NPAS3: variants seen among roughly 807,000 people sequenced by gnomAD.
The protein encoded by NPAS3 is neuronal PAS domain-containing protein 3.
A neutral mutation model predicts 73.1 loss-of-function variants in NPAS3; 14 were observed. That is an observed-to-expected ratio of 0.19 (90% CI 0.13 to 0.30). NPAS3 has a LOEUF of 0.30. Ranked by LOEUF, NPAS3 falls within the 10% of genes least tolerant of loss-of-function variation. The pLI is 1.00. For synonymous variants in NPAS3, 620 were observed against 541.5 expected (o/e 1.14, Z -2.01); for missense variants, 1,096 against 1,250.0 (o/e 0.88, Z 1.86).
chr14:33,579,777 G>A (rs1372216394), intron 5 of NPAS3, among the ~76,000 whole-genome samples: 1 of 151,624 alleles, frequency 6.6e-6, no homozygotes, highest in Non-Finnish European at 1.5e-5. Context: ...TATTTTCCTT[G>A]AATTTTTTTT....
chr14:33,757,408 C>G (rs1042810586), intron 7 of NPAS3, among the ~76,000 whole-genome samples: 6 of 152,146 alleles, frequency 3.9e-5, no homozygotes, highest in Non-Finnish European at 5.9e-5. Flanking sequence ...CATAGAGGTC[C>G]TGCTGCTGCT....
chr14:32,977,384 CT>C (rs1409304722), intron 1 of NPAS3, among the ~76,000 whole-genome samples: 1 of 23,766 alleles, frequency 4.2e-5, no homozygotes, highest in Non-Finnish European at 1.4e-4. Context: ...ACACACACCC[CT>C]AATCTATTTA....
intron 1 of NPAS3, 113 bp from the exon 2 acceptor site, chr14:33,055,792 C>T (rs753793324): frequency 3.4e-5 from 22 of 649,504 alleles, no homozygotes; most frequent in Non-Finnish European, 6.1e-5. Flanking sequence ...GTGTGTAGAG[C>T]TCAAAAGCGT....
chr14:33,682,259 C>A (rs144889438), intron 6 of NPAS3, among the ~76,000 whole-genome samples: 1 of 152,132 alleles, frequency 6.6e-6, no homozygotes. Context: ...TAGCAATGAT[C>A]GGGACAAGTT....
intron 2 of NPAS3, among the ~76,000 whole-genome samples, chr14:33,207,241 ACACACACACACACACACACACACACG>A (rs1356146796): frequency 3.0e-3 from 68 of 22,402 alleles, no homozygotes; most frequent in South Asian, 0.017. Context: ...CATTACACAC[ACACACACACACACACACACACACACG>A]CACACACACA....
chr14:33,578,350 C>T (rs1234048760), intron 5 of NPAS3: 6 of 381,340 alleles, frequency 1.6e-5, no homozygotes, highest in South Asian at 1.2e-4. Context: ...TGTACTACCA[C>T]ACCTGGCTAA....
chr14:33,094,422 G>T (rs1206545694), intron 2 of NPAS3, among the ~76,000 whole-genome samples: 3 of 151,084 alleles, frequency 2.0e-5, no homozygotes, highest in Admixed American at 2.0e-4. Context: ...TCTTCCCTCT[G>T]CATTTGTGGC....
At position 33,634,341 on chromosome 14, in the gene NPAS3, A is replaced by G. The variant is rs114879179; in HGVS notation, c.559-41870A>G. Among the ~76,000 whole-genome samples, 974 of 152,330 alleles carry G rather than the reference A, an allele frequency of 6.4e-3. 11 individuals carry two copies. The highest frequency in any genetic ancestry group is 0.022 in the African/African-American group (922 of 41,566). Reference sequence around the variant, plus strand: ...ACAGATTTGCTGTGGGTAAATCAGTAGCCTGCATTTTAGGGGTTCTGTGAG... The same window carrying G: ...ACAGATTTGCTGTGGGTAAATCAGTGGCCTGCATTTTAGGGGTTCTGTGAG... On this transcript the variant is annotated intron_variant, in intron 5 of 11. Coordinates refer to ENST00000356141, the Ensembl canonical transcript of NPAS3.
At chr14:33,679,630 G>C (rs868024211) in intron 6 of NPAS3, among the ~76,000 whole-genome samples, 1 of 152,190 alleles carries the variant, frequency 6.6e-6, no homozygotes, top group Non-Finnish European at 1.5e-5. Flanking sequence ...GGACTAGTAG[G>C]TATGGAATTT....
intron 2 of NPAS3, among the ~76,000 whole-genome samples, chr14:33,078,422 G>T (rs887117507): frequency 6.6e-6 from 1 of 151,812 alleles, no homozygotes; most frequent in Non-Finnish European, 1.5e-5. Context: ...ATATTGAGAA[G>T]ATTCCTCCCC....
chr14:33,689,101 A>G (rs771281283), intron 6 of NPAS3, among the ~76,000 whole-genome samples: 1 of 152,234 alleles, frequency 6.6e-6, no homozygotes, highest in Non-Finnish European at 1.5e-5. Context: ...AATACGTAGT[A>G]CGTAGGGCCT....
chr14:33,004,664 A>G (rs950313566), intron 1 of NPAS3, among the ~76,000 whole-genome samples: 4 of 152,082 alleles, frequency 2.6e-5, no homozygotes, highest in African/African-American at 7.2e-5. Context: ...TTAGCTTACT[A>G]TAACTATTTT....
chr14:33,483,123 A>C (rs752641794), intron 4 of NPAS3, among the ~76,000 whole-genome samples: 16 of 152,188 alleles, frequency 1.1e-4, no homozygotes, highest in African/African-American at 3.9e-4. Context: ...TAACAATGAA[A>C]AGCTGGTGAG....
At chr14:32,938,486 T>TGA (rs369330767), upstream of NPAS3, among the ~76,000 whole-genome samples, 2,163 of 55,862 alleles carry the variant, frequency 0.039, 200 homozygotes, top group East Asian at 0.16. Flanking sequence ...AGAGAGAAAT[T>TGA]GAGAGAGAGA....
At chr14:33,554,708 A>G (rs1366740121) in intron 4 of NPAS3, among the ~76,000 whole-genome samples, 1 of 152,228 alleles carries the variant, frequency 6.6e-6, no homozygotes, top group Non-Finnish European at 1.5e-5. Context: ...TACATACTCA[A>G]AACTTGTCCC....
intron 2 of NPAS3, among the ~76,000 whole-genome samples, chr14:33,106,394 A>G (rs1015535358): frequency 1.3e-5 from 2 of 152,140 alleles, no homozygotes; most frequent in Non-Finnish European, 2.9e-5. Flanking sequence ...CATTGTTTTA[A>G]TTCAGTTTGA....
At position 33,215,162 on chromosome 14, in the gene NPAS3, T is replaced by C. The variant is rs1056135372; in HGVS notation, c.141-20T>C. 3.1e-6 allele frequency: 5 copies of C among 1,612,362 alleles called. No homozygotes were observed. Among genetic ancestry groups the C allele is most frequent in the Non-Finnish European group, 4.2e-6 (5 of 1,178,744 alleles). On this transcript the variant is annotated intron_variant, in intron 2 of 11. Coordinates refer to ENST00000356141, the Ensembl canonical transcript of NPAS3. ...GAGTCACATATTCTAAACCACACATTCTCACTCCTTTGATTTCAGTTTACA... is the reference window on the plus strand; with the variant it reads ...GAGTCACATATTCTAAACCACACATCCTCACTCCTTTGATTTCAGTTTACA...
At chr14:33,249,957 A>G (rs972800394) in intron 3 of NPAS3, among the ~76,000 whole-genome samples, 8 of 151,724 alleles carry the variant, frequency 5.3e-5, no homozygotes, top group African/African-American at 1.7e-4. Flanking sequence ...CACATATAAA[A>G]TTGTTACTGT....
chr14:33,315,187 G>C (rs2043159137), intron 3 of NPAS3, among the ~76,000 whole-genome samples: 1 of 151,966 alleles, frequency 6.6e-6, no homozygotes, highest in Non-Finnish European at 1.5e-5. Flanking sequence ...CACGCTGGTG[G>C]GTTGTCTCAG....
Sources: gnomAD v4.1 joint callset for allele counts (sites outside exome capture counted in the v4.1 genomes callset) on GRCh38, gnomAD v4.1.1 for gene constraint, MANE v1.5 for transcripts, NCBI Gene and HGNC (gene_info 2026-07-23, HGNC 2026-07-21) for gene names.